The following RMST variants were observed in gnomAD, a reference collection of about 807,000 sequenced individuals.
RMST encodes the protein rhabdomyosarcoma 2 associated transcript, also known as long intergenic non-protein coding RNA 54.
In RMST at chr12:97,542,603, C is replaced by T. The variant is rs191749688; in HGVS notation, n.1545+11744C>T. ...TGTGCAATTTAAATAGGACCAGAGC[C>T]CAAACCCCAAAACACATAGAATATG... is the stretch of plus-strand genomic sequence containing the variant. On this transcript the variant is annotated intron_variant and non_coding_transcript_variant, in intron 11 of 13. Transcript: ENST00000640149. Among the ~76,000 whole-genome samples, 109 of 151,918 alleles carry T rather than the reference C, an allele frequency of 7.2e-4. No individual in the cohort carries two copies. The Middle Eastern group carries it at 0.01, about 14-fold the overall frequency.
intron 5 of RMST, among the ~76,000 whole-genome samples, chr12:97,468,415 A>G (rs554797744): frequency 5.3e-5 from 8 of 152,164 alleles, no homozygotes; most frequent in Non-Finnish European, 8.8e-5. Flanking sequence ...ATGATCCTAT[A>G]ATACTACACT....
chr12:97,517,943 C>A (rs144534928), intron 10 of RMST, among the ~76,000 whole-genome samples: 22 of 152,174 alleles, frequency 1.4e-4, no homozygotes, highest in African/African-American at 4.6e-4. Flanking sequence ...ATCAATTGTC[C>A]TCTTCACAGG....
At chr12:97,472,704 G>T (rs1010404164) in intron 5 of RMST, among the ~76,000 whole-genome samples, 4 of 152,028 alleles carry the variant, frequency 2.6e-5, no homozygotes, top group African/African-American at 4.8e-5. Flanking sequence ...TCCCACAAAA[G>T]AAAATATTTC....
intron 10 of RMST, among the ~76,000 whole-genome samples, chr12:97,526,607 G>A (rs1881136957): frequency 6.6e-6 from 1 of 152,114 alleles, no homozygotes; most frequent in African/African-American, 2.4e-5. Flanking sequence ...AGTAGCATAG[G>A]AGGCAGGGTA....
At chr12:97,522,441 T>C (rs1259513026) in intron 10 of RMST, among the ~76,000 whole-genome samples, 1 of 152,200 alleles carries the variant, frequency 6.6e-6, no homozygotes, top group Non-Finnish European at 1.5e-5. Flanking sequence ...AGATATAGTT[T>C]CTAGCTATGA....
intron 5 of RMST, among the ~76,000 whole-genome samples, chr12:97,477,235 G>A (rs553503614): frequency 1.3e-5 from 2 of 152,262 alleles, no homozygotes; most frequent in African/African-American, 4.8e-5. Flanking sequence ...AAATATCAAC[G>A]TGGAAACCTA....
intron 11 of RMST, chr12:97,532,655 T>TG (rs1555233288): frequency 1.2e-4 from 18 of 149,566 alleles, no homozygotes; most frequent in Admixed American, 7.3e-4. Flanking sequence ...GTTTTTTTTT[T>TG]TTTTTTTTTT....
chr12:97,533,535 C>T (rs935072095), intron 11 of RMST: 10 of 151,762 alleles, frequency 6.6e-5, no homozygotes, highest in African/African-American at 2.4e-4. Flanking sequence ...ATTTGCAATG[C>T]CATTTAATGG....
intron 11 of RMST, among the ~76,000 whole-genome samples, chr12:97,540,607 A>G (rs902434063): frequency 5.9e-5 from 9 of 151,656 alleles, no homozygotes; most frequent in Admixed American, 2.6e-4. Context: ...TTTGCTAGCA[A>G]TGTGACTAGG....
intron 10 of RMST, among the ~76,000 whole-genome samples, chr12:97,512,337 G>C (rs965526139): frequency 2.0e-5 from 3 of 152,194 alleles, no homozygotes; most frequent in Non-Finnish European, 2.9e-5. Flanking sequence ...ATTGCAAAGA[G>C]AGAAAGAACA....
At chr12:97,546,432 A>C (rs1212121343) in intron 11 of RMST, among the ~76,000 whole-genome samples, 1 of 152,020 alleles carries the variant, frequency 6.6e-6, no homozygotes, top group Non-Finnish European at 1.5e-5. Flanking sequence ...AGATACAAAA[A>C]TTAGCCAGGC....
chr12:97,512,218 C>A (rs1592712147), intron 10 of RMST, among the ~76,000 whole-genome samples: 1 of 152,064 alleles, frequency 6.6e-6, no homozygotes, highest in African/African-American at 2.4e-5. Context: ...TGGCGTTCCT[C>A]CCGGTGGGTT....
chr12:97,496,930 A>C (rs1474602729), intron 10 of RMST, among the ~76,000 whole-genome samples: 2 of 152,168 alleles, frequency 1.3e-5, no homozygotes, highest in Non-Finnish European at 2.9e-5. Context: ...AGGAAGACTA[A>C]AGTTCTGAGA....
At chr12:97,543,707 G>A (rs1172139323) in intron 11 of RMST, among the ~76,000 whole-genome samples, 3 of 151,884 alleles carry the variant, frequency 2.0e-5, no homozygotes, top group Non-Finnish European at 4.4e-5. Context: ...AAACCTTTGA[G>A]GTGGGGGCTG....
At chr12:97,561,442 C>T (rs1884094508) in intron 13 of RMST, among the ~76,000 whole-genome samples, 2 of 151,836 alleles carry the variant, frequency 1.3e-5, no homozygotes, top group Admixed American at 1.3e-4. Context: ...CCCAGGCTTT[C>T]ATTTGATTTT....
At chr12:97,555,655 G>A (rs1883653355) in intron 11 of RMST, among the ~76,000 whole-genome samples, 1 of 152,188 alleles carries the variant, frequency 6.6e-6, no homozygotes, top group Non-Finnish European at 1.5e-5. Flanking sequence ...TCATTTATAA[G>A]ATTGCCTTTC....
intron 11 of RMST, among the ~76,000 whole-genome samples, chr12:97,541,852 A>C (rs1022028545): frequency 6.6e-6 from 1 of 151,942 alleles, no homozygotes; most frequent in African/African-American, 2.4e-5. Flanking sequence ...TTATCTTAAA[A>C]ATACCTTCTG....
intron 11 of RMST, among the ~76,000 whole-genome samples, chr12:97,531,229 A>G (rs1247933207): frequency 1.3e-5 from 2 of 151,840 alleles, no homozygotes; most frequent in African/African-American, 4.8e-5. Context: ...GCTATTTTCT[A>G]TTGTGTCAAC....
At chr12:97,504,773 T>C (rs1373601811) in intron 10 of RMST, among the ~76,000 whole-genome samples, 2 of 152,244 alleles carry the variant, frequency 1.3e-5, no homozygotes, top group Non-Finnish European at 1.5e-5. Context: ...GCTATCCTAA[T>C]GCATATGGTT....
Sources: gnomAD v4.1 joint callset for allele counts (sites outside exome capture counted in the v4.1 genomes callset) on GRCh38, gnomAD v4.1.1 for gene constraint, MANE v1.5 for transcripts, NCBI Gene and HGNC (gene_info 2026-07-23, HGNC 2026-07-21) for gene names.